DOCK10: variants seen among roughly 807,000 people sequenced by gnomAD.
The protein encoded by DOCK10 is dedicator of cytokinesis 10.
In DOCK10, 145 loss-of-function variants were observed where a neutral mutation model predicts 280.1. That is an observed-to-expected ratio of 0.52 (90% CI 0.45 to 0.59). The LOEUF is 0.59. Among genes scored for constraint, DOCK10 ranks in the 20% least tolerant of loss-of-function variants. The probability of loss-of-function intolerance (pLI) is 0.00; values close to 1 mark genes in which losing one functional copy is unlikely to be tolerated. For synonymous variants in DOCK10, 915 were observed against 942.2 expected (o/e 0.97, Z 0.53); for missense variants, 2,368 against 2,651.7 (o/e 0.89, Z 2.35).
At chr2:224,893,209 A>G (rs1699799927) in intron 4 of DOCK10, 1 of 152,318 alleles carries the variant, frequency 6.6e-6, no homozygotes, top group South Asian at 2.1e-4. Context: ...CTGCTATAAA[A>G]TGAGGATAAC....
intron 1 of DOCK10, among the ~76,000 whole-genome samples, chr2:225,014,362 C>G (rs775477493): frequency 4.0e-5 from 6 of 151,386 alleles, no homozygotes; most frequent in Non-Finnish European, 8.8e-5. Context: ...CTGAAAAGTT[C>G]TAATGAAGTA....
At position 225,042,386 on chromosome 2, in the gene DOCK10, C is replaced by T. The variant is rs772002247; in HGVS notation, c.-12G>A. On this transcript the variant is annotated 5_prime_UTR_variant, in exon 1 of 56. Transcript: ENST00000258390. The surrounding 1 kb of genome is among the most constrained non-coding windows in gnomAD (Gnocchi z 5.1). The stretch of plus-strand genomic sequence containing the variant: ...CGCTCACCGGCCATCGCCGGTCACG[C>T]CAATCGCGCCGCGGGCCCGGGGCGC... 4 of 1,243,964 alleles carry T rather than the reference C, an allele frequency of 3.2e-6. No homozygotes were observed. The highest frequency in any genetic ancestry group is 8.5e-5 in the Admixed American group (2 of 23,472). 77.1% of individuals were successfully genotyped at this position (1,243,964 alleles called of 1,614,324 possible).
chr2:224,993,916 T>C (rs1706198044), intron 1 of DOCK10, among the ~76,000 whole-genome samples: 1 of 152,160 alleles, frequency 6.6e-6, no homozygotes, highest in Non-Finnish European at 1.5e-5. Flanking sequence ...GTGGTTAGGA[T>C]AGGATCCTAT....
At chr2:224,785,083 C>T (rs1200693942) in intron 50 of DOCK10, among the ~76,000 whole-genome samples, 1 of 151,702 alleles carries the variant, frequency 6.6e-6, no homozygotes, top group Non-Finnish European at 1.5e-5. Flanking sequence ...CTTCCCGACT[C>T]ATAGCATTTT....
In DOCK10 at chr2:224,816,673, C is replaced by G; in HGVS notation, c.3308G>C (p.Cys1103Ser). Reference sequence around the variant, plus strand: ...CAAAGGGATAAAGTGTTCATGTTGACATACTTCTTGAAGAAAATCAAATTT... The same window carrying G: ...CAAAGGGATAAAGTGTTCATGTTGAGATACTTCTTGAAGAAAATCAAATTT... ...QYKFDFLQEVCQHEHFIPLCL... is the reference protein window; with the variant it reads ...QYKFDFLQEVSQHEHFIPLCL... Residue 1103 changes from cysteine (C) to serine (S), a missense_variant, in exon 30 of 56, where the codon TGT becomes TCT. Cys to Ser is a moderately radical substitution (Grantham distance 112, BLOSUM62 -1). This residue lies in a region of DOCK10 where 1,159 missense variants were observed against 1,400.8 expected (regional missense o/e 0.83). Coordinates refer to ENST00000258390, the MANE Select transcript of DOCK10 (RefSeq NM_014689.3). 6.2e-7 allele frequency: 1 copy of G among 1,608,476 alleles called. No homozygotes were observed. The highest frequency in any genetic ancestry group is 8.5e-7 in the Non-Finnish European group (1 of 1,176,828).
At chr2:225,016,584 CATATATCT>C (rs1559962725) in intron 1 of DOCK10, among the ~76,000 whole-genome samples, 10 of 132,190 alleles carry the variant, frequency 7.6e-5, no homozygotes, top group East Asian at 2.4e-4. Flanking sequence ...CACATAGATA[CATATATCT>C]ATGTGCACAT....
chr2:225,042,129 T>G lies in DOCK10; in HGVS notation c.123+123A>C. ...CCCGCAGAGGCGGCGGGGGAGGGAG[T>G]GCGGAGGAGAGGACCCGTGAGCTGC... On this transcript the variant is annotated intron_variant, in intron 1 of 55. Transcript: ENST00000258390. This position sits in a 1 kb window ranked among gnomAD's most constrained non-coding sequence, Gnocchi z 5.1. 1 of 1,108,198 alleles carries G rather than the reference T, an allele frequency of 9.0e-7. No homozygotes were observed. The highest frequency in any genetic ancestry group is 3.5e-5 in the East Asian group (1 of 28,724). 68.6% of individuals were successfully genotyped at this position (1,108,198 alleles called of 1,614,324 possible). A position where few individuals can be genotyped will look rare whatever the true frequency, so the allele number is the denominator to read the frequency against.
chr2:224,839,994 C>A lies in DOCK10; in HGVS notation c.2740G>T (p.Val914Leu). 6.4e-7 allele frequency: 1 copy of A among 1,560,988 alleles called. No individual in the cohort carries two copies. The highest frequency in any genetic ancestry group is 2.3e-5 in the East Asian group (1 of 43,218). The change falls in exon 24 of 56, where the codon GTA becomes TTA. Residue 914 changes from valine (V) to leucine (L), a missense_variant. Transcript: ENST00000258390. ...IILNQLFKVL[V>L]QNEEDEITTT... is the part of the protein sequence containing the mutation. ...GTTATTTCATCTTCCTCATTCTGTA[C>A]CAGAACTTTGAAGAGCTGATTCAAA...
chr2:224,774,860 T>G, intron 52 of DOCK10, 45 bp downstream of exon 52: 1 of 1,532,486 alleles, frequency 6.5e-7, no homozygotes, highest in Non-Finnish European at 8.9e-7. Context: ...AAGGGGCCTG[T>G]GCTGGAACAG....
At position 224,837,788 on chromosome 2, in the gene DOCK10, C is replaced by A. The variant is rs1444286929; in HGVS notation, c.2824G>T (p.Asp942Tyr). The change falls in exon 25 of 56, where the codon GAT becomes TAT. Residue 942 changes from aspartate (D) to tyrosine (Y), a missense_variant. By Grantham distance (160) the Asp-to-Tyr change is radical. Transcript: ENST00000258390. ...TTAATATATGACTGGACAGAATGATCCAGCTGCTCCTCATGGCACTTGGCC... is the reference window on the plus strand; with the variant it reads ...TTAATATATGACTGGACAGAATGATACAGCTGCTCCTCATGGCACTTGGCC... ...IVAKCHEEQL[D>Y]HSVQSYIKFV... is the part of the protein sequence containing the mutation. 1.2e-6 allele frequency: 2 copies of A among 1,613,792 alleles called. No homozygotes were observed. The highest frequency in any genetic ancestry group is 2.2e-5 in the East Asian group (1 of 44,902).
chr2:224,877,346 A>AT lies in DOCK10; in HGVS notation c.748-1126dup, dbSNP rs200440319. Among the ~76,000 whole-genome samples the AT allele has an allele frequency of 1.6e-3, 246 of 151,948 alleles. 2 individuals carry two copies. The highest frequency in any genetic ancestry group is 5.3e-3 in the African/African-American group (222 of 41,508). On this transcript the variant is annotated intron_variant, in intron 7 of 55. Transcript: ENST00000258390. ...GACTGGGTCAGTTTTCCTAACCACC[A>AT]TATCATGTAATAGTACGGACACTTG...
At position 224,796,389 on chromosome 2, in the gene DOCK10, C is replaced by A. The variant is rs763125864; in HGVS notation, c.4865G>T (p.Gly1622Val). 3.8e-6 allele frequency: 6 copies of A among 1,570,734 alleles called. No homozygotes were observed. The South Asian group carries it at 7.0e-5, about 18-fold the overall frequency. Reference protein sequence around the residue: ...KAVSQLIADAGIGGSRFQHSL... With the variant: ...KAVSQLIADAVIGGSRFQHSL... ...ATGTTGAAACCGAGAGCCTCCAATC[C>A]CAGCATCGGCTATTAACTGGCTCAC... is the stretch of plus-strand genomic sequence containing the variant. Residue 1622 changes from glycine (G) to valine (V), a missense_variant, in exon 44 of 56, where the codon GGG becomes GTG. By Grantham distance (109) the Gly-to-Val change is moderately radical. Coordinates refer to ENST00000258390, the MANE Select transcript of DOCK10 (RefSeq NM_014689.3).
In DOCK10 at chr2:224,874,254, A is replaced by G. The variant is rs1698489514; in HGVS notation, c.1101+12T>C. On this transcript the variant is annotated intron_variant, in intron 10 of 55. Transcript: ENST00000258390. ...TCAAGTTCATATCTGCTTAGAAAAAATTTTGACTTACATCTATGTCTGGAT... is the reference window on the plus strand; with the variant it reads ...TCAAGTTCATATCTGCTTAGAAAAAGTTTTGACTTACATCTATGTCTGGAT... The G allele has an allele frequency of 6.8e-6, 11 of 1,610,924 alleles. No homozygotes were observed. Among genetic ancestry groups the G allele is most frequent in the Non-Finnish European group, 9.3e-6 (11 of 1,178,578 alleles).
intron 1 of DOCK10, among the ~76,000 whole-genome samples, chr2:224,996,658 T>C (rs921707582): frequency 1.3e-5 from 2 of 152,140 alleles, no homozygotes; most frequent in African/African-American, 4.8e-5. Context: ...CCATGTGAAA[T>C]CACTTAGCCA....
At chr2:224,997,357 G>A (rs758444389) in intron 1 of DOCK10, among the ~76,000 whole-genome samples, 2 of 151,918 alleles carry the variant, frequency 1.3e-5, no homozygotes, top group Non-Finnish European at 2.9e-5. Flanking sequence ...TCAGCCTCCC[G>A]AGTAGCTGGA....
Position 224,809,080 on chromosome 2 carries a change from GAC to G in DOCK10, c.3410-996_3410-995del, listed in dbSNP as rs570004548. Among the ~76,000 whole-genome samples, 24 of 152,214 alleles carry G rather than the reference GAC, an allele frequency of 1.6e-4. No homozygotes were observed. In the South Asian group the frequency reaches 2.1e-3, roughly 13 times the overall value. ...TTTTGAGCCTGAATTATAGAGAAAA[GAC>G]ACTGCCAAATTTTGAGCCTGAATTA... On this transcript the variant is annotated intron_variant, in intron 31 of 55. Transcript: ENST00000258390.
rs760934070 is a variant in DOCK10 at position 224,801,940 on chromosome 2, G to T, written c.4369C>A (p.Gln1457Lys). 3.3e-5 allele frequency: 54 copies of T among 1,612,956 alleles called. No individual in the cohort carries two copies. The highest frequency in any genetic ancestry group is 4.6e-5 in the Non-Finnish European group (54 of 1,179,214). ...CTGGTCATGGTATTGTCTAACATCT[G>T]TAAGAGTTTGGGGTTAGAAAGTGCA... ...KNALSNPKLL[Q>K]MLDNTMTSNS... Residue 1457 changes from glutamine to lysine, a missense_variant, in exon 40 of 56, where the codon CAG becomes AAG. By Grantham distance (53) the Gln-to-Lys change is moderately conservative. Around this residue, in one of 2 missense-constraint regions of DOCK10, gnomAD observed 1,159 missense variants for 1,400.8 expected, o/e 0.83. Transcript: ENST00000258390.
chr2:224,988,363 C>T (rs16866408), intron 1 of DOCK10, among the ~76,000 whole-genome samples: 13,802 of 152,214 alleles, frequency 0.091, 2,056 homozygotes, highest in African/African-American at 0.31. Context: ...GGAGTACATG[C>T]TCAATGAATA....
At chr2:224,792,471 A>T (rs2125112544) in intron 47 of DOCK10, among the ~76,000 whole-genome samples, 1 of 152,154 alleles carries the variant, frequency 6.6e-6, no homozygotes, top group East Asian at 1.9e-4. Flanking sequence ...TTTAGTAGAG[A>T]CCAGGCTTCA....
Sources: gnomAD v4.1 joint callset for allele counts (sites outside exome capture counted in the v4.1 genomes callset) on GRCh38, gnomAD v4.1.1 for gene constraint, gnomAD v4.1.1 regional missense constraint, Gnocchi (gnomAD v3.1) non-coding constraint, MANE v1.5 for transcripts, NCBI Gene and HGNC (gene_info 2026-07-23, HGNC 2026-07-21) for gene names.